Variants in ICAM1 observed in about 807,000 individuals in gnomAD.
The protein encoded by ICAM1 is ICAM-1.
Under a neutral mutation model 42.3 loss-of-function variants are expected in ICAM1, and 28 were observed. The ratio of observed to expected loss-of-function variants is 0.66; its 90% CI spans 0.49 to 0.91. The LOEUF is 0.91. ICAM1 is among the 40% of genes least tolerant of loss of function. The probability of loss-of-function intolerance (pLI) is 0.00; values close to 1 mark genes in which losing one functional copy is unlikely to be tolerated. For synonymous variants in ICAM1, 304 were observed against 305.9 expected (o/e 0.99, Z 0.07); for missense variants, 637 against 688.6 (o/e 0.93, Z 0.84).
rs200510339 is a variant in ICAM1, at chr19:10,285,208, G to A, written c.1520G>A (p.Arg507Gln). 191 of 1,614,140 alleles carry A rather than the reference G, an allele frequency of 1.2e-4. No homozygotes were observed. Among genetic ancestry groups the A allele is most frequent in the Middle Eastern group, 1.6e-4 (1 of 6,062 alleles). Residue 507 changes from arginine (R) to glutamine (Q), a missense_variant, in exon 7 of 7, where the codon CGG (arginine) becomes CAG (glutamine). By Grantham distance (43) the Arg-to-Gln change is conservative. Transcript: ENST00000264832. The stretch of plus-strand genomic sequence containing the variant: ...AGCACGTACCTCTATAACCGCCAGC[G>A]GAAGATCAAGAAATACAGACTACAA... Reference protein sequence around the residue: ...GLSTYLYNRQRKIKKYRLQQA... With the variant: ...GLSTYLYNRQQKIKKYRLQQA...
At chr19:10,283,911 T>A in intron 3 of ICAM1, 122 bp from the exon 4 acceptor site, 1 of 1,434,280 alleles carries the variant, frequency 7.0e-7, no homozygotes. Flanking sequence ...GTTCTAGGCG[T>A]ATGTGACCTA....
chr19:10,276,057 C>T (rs898661866), intron 2 of ICAM1, among the ~76,000 whole-genome samples: 1 of 151,546 alleles, frequency 6.6e-6, no homozygotes, highest in Non-Finnish European at 1.5e-5. Context: ...AGCTGGGCAT[C>T]GTGGTGTGCA....
chr19:10,277,648 C>T (rs281428), intron 2 of ICAM1, among the ~76,000 whole-genome samples: 66,450 of 151,562 alleles, frequency 0.44, 15,908 homozygotes, highest in African/African-American at 0.63. Context: ...GCACCACGCC[C>T]GGCTAATTTT....
chr19:10,274,504 G>A (rs973780055), intron 1 of ICAM1, among the ~76,000 whole-genome samples: 2 of 151,966 alleles, frequency 1.3e-5, no homozygotes, highest in African/African-American at 2.4e-5. Flanking sequence ...TAGTGGAGAC[G>A]GGGCTTTGTC....
chr19:10,284,043 G>A lies in ICAM1; in HGVS notation c.648G>A (p.Ala216=), dbSNP rs774674146. The change falls in exon 4 of 7, where the codon GCG becomes GCA. Residue 216 remains alanine, a synonymous_variant. Transcript: ENST00000264832. The surrounding 1 kb of genome is among the most constrained non-coding windows in gnomAD (Gnocchi z 5.4). ...PYQLQTFVLP[A]TPPQLVSPRV... ...TTCTTCTCTCCCTAGTCCTGCCAGC[G>A]ACTCCCCCACAACTTGTCAGCCCCC... The A allele has an allele frequency of 4.3e-6, 7 of 1,612,674 alleles. No individual in the cohort carries two copies. In the African/African-American group the frequency reaches 5.3e-5, roughly 12 times the overall value.
chr19:10,279,699 G>A (rs1200425733), intron 2 of ICAM1, among the ~76,000 whole-genome samples: 1 of 151,950 alleles, frequency 6.6e-6, no homozygotes, highest in Non-Finnish European at 1.5e-5. Context: ...AGCCAGGCTG[G>A]TCTTGAACGC....
intron 2 of ICAM1, among the ~76,000 whole-genome samples, chr19:10,282,877 G>C (rs1292384815): frequency 2.0e-5 from 3 of 152,010 alleles, no homozygotes; most frequent in Non-Finnish European, 4.4e-5. Context: ...GCTGGGTGTG[G>C]TGACACGTGC....
intron 2 of ICAM1, among the ~76,000 whole-genome samples, chr19:10,282,944 C>A (rs981705872): frequency 2.0e-5 from 3 of 151,886 alleles, no homozygotes; most frequent in Non-Finnish European, 4.4e-5. Context: ...ACCCAGGAGG[C>A]AGAGGTTGCA....
At chr19:10,274,697 G>T (rs2040004403) in intron 1 of ICAM1, 68 bp from the exon 2 acceptor site, 20 of 1,553,950 alleles carry the variant, frequency 1.3e-5, no homozygotes, top group East Asian at 2.3e-5. Context: ...CCCAGCACAG[G>T]CTGGGCGCAC....
chr19:10,283,960 G>A, intron 3 of ICAM1, 73 bp from the exon 4 acceptor site: 4 of 1,533,648 alleles, frequency 2.6e-6, no homozygotes, highest in Non-Finnish European at 3.5e-6. Flanking sequence ...TCGCAGGAGG[G>A]GGAATGAAAT....
At chr19:10,280,868 CTTTTTTT>C (rs869262659) in intron 2 of ICAM1, among the ~76,000 whole-genome samples, 1 of 70,092 alleles carries the variant, frequency 1.4e-5, no homozygotes. Context: ...CGTGCCCGGC[CTTTTTTT>C]TTTTTTTTTT....
At chr19:10,273,078 G>A (rs1182159633) in intron 1 of ICAM1, among the ~76,000 whole-genome samples, 1 of 152,136 alleles carries the variant, frequency 6.6e-6, no homozygotes, top group African/African-American at 2.4e-5. Context: ...TTAAAATCTG[G>A]TTGGACACAG....
In ICAM1 at chr19:10,285,421, C is replaced by A; in HGVS notation, c.*134C>A. The A allele has an allele frequency of 2.5e-6, 2 of 784,994 alleles. No homozygotes were observed. Among genetic ancestry groups the A allele is most frequent in the Non-Finnish European group, 4.1e-6 (2 of 491,074 alleles). The allele number at this position is 784,994 out of a possible 1,614,324, so 48.6% of individuals were successfully genotyped here. ...GGGACGCCGGAGGACAGGGCATTGT[C>A]CTCAGTCAGATACAACAGCATTTGG... On this transcript the variant is annotated 3_prime_UTR_variant, in exon 7 of 7. Coordinates refer to ENST00000264832, the MANE Select transcript of ICAM1 (RefSeq NM_000201.3).
intron 1 of ICAM1, among the ~76,000 whole-genome samples, chr19:10,273,659 G>GT (rs994804196): frequency 6.7e-6 from 1 of 150,262 alleles, no homozygotes; most frequent in African/African-American, 2.5e-5. Flanking sequence ...AGGGAGACCC[G>GT]TTTAAAAAAA....
At position 10,283,647 on chromosome 19, in the gene ICAM1, C is replaced by T. The variant is rs916037970; in HGVS notation, c.498C>T (p.Pro166=). The T allele has an allele frequency of 1.4e-5, 23 of 1,613,758 alleles. No individual in the cohort carries two copies. The highest frequency in any genetic ancestry group is 6.7e-5 in the Admixed American group (4 of 59,964). Residue 166 remains proline (P), a synonymous_variant, in exon 3 of 7, where the codon CCC becomes CCT. Transcript: ENST00000264832. The stretch of plus-strand genomic sequence containing the variant: ...AACGGGAGCCAGCTGTGGGGGAGCC[C>T]GCTGAGGTCACGACCACGGTGCTGG... ...ELKREPAVGE[P]AEVTTTVLVR...
At chr19:10,271,269 C>A in intron 1 of ICAM1, 43 bp downstream of exon 1, 1 of 1,573,646 alleles carries the variant, frequency 6.4e-7, no homozygotes, top group Non-Finnish European at 8.7e-7. Context: ...TTCTCCGAAG[C>A]CCCGGGAGGA....
Position 10,284,930 on chromosome 19 carries a change from A to G in ICAM1, c.1328A>G (p.Glu443Gly), listed in dbSNP as rs148613735. 1 of 1,607,978 alleles carries G rather than the reference A, an allele frequency of 6.2e-7. No homozygotes were observed. Among genetic ancestry groups the G allele is most frequent in the Non-Finnish European group, 8.5e-7 (1 of 1,176,336 alleles). ...KDGTFPLPIG[E>G]SVTVTRDLEG... The stretch of plus-strand genomic sequence containing the variant: ...GGCACTTTCCCACTGCCCATCGGGG[A>G]ATCAGTGACTGTCACTCGAGATCTT... The change falls in exon 6 of 7, where the codon GAA becomes GGA. Residue 443 changes from glutamate (E) to glycine (G), a missense_variant. By Grantham distance (98) the Glu-to-Gly change is moderately conservative. Coordinates refer to ENST00000264832, the MANE Select transcript of ICAM1 (RefSeq NM_000201.3). The surrounding 1 kb of genome is among the most constrained non-coding windows in gnomAD (Gnocchi z 5.4).
At chr19:10,274,617 C>T (rs992553728) in intron 1 of ICAM1, 148 bp from the exon 2 acceptor site, 22 of 897,040 alleles carry the variant, frequency 2.5e-5, no homozygotes, top group Non-Finnish European at 3.6e-5. Context: ...ACCCGGCCTG[C>T]TCATGAATTT....
chr19:10,271,140 G>GT lies in ICAM1; in HGVS notation c.-18dup, dbSNP rs2039976331. ...ACGCTGAGCTCCTCTGCTACTCAGA[G>GT]TTGCAACCTCAGCCTCGCTATGGCT... On this transcript the variant is annotated 5_prime_UTR_variant, in exon 1 of 7. Coordinates refer to ENST00000264832, the MANE Select transcript of ICAM1 (RefSeq NM_000201.3). The GT allele has an allele frequency of 6.2e-7, 1 of 1,610,802 alleles. No individual in the cohort carries two copies. Among genetic ancestry groups the GT allele is most frequent in the East Asian group, 2.2e-5 (1 of 44,810 alleles).
Sources: allele counts gnomAD v4.1 joint callset (sites outside exome capture counted in the v4.1 genomes callset), GRCh38; gene constraint gnomAD v4.1.1; non-coding constraint Gnocchi (gnomAD v3.1); transcripts MANE v1.5; gene names NCBI Gene and HGNC (gene_info 2026-07-23, HGNC 2026-07-21).